Variants in NALF1 observed in about 807,000 individuals in gnomAD.
The protein encoded by NALF1 is family with sequence similarity 155 member A.
In NALF1, 3 loss-of-function variants were observed where a neutral mutation model predicts 48.4. The observed-to-expected ratio is 0.06, with a 90% confidence interval of 0.03 to 0.16. The LOEUF is 0.16. Ranked by LOEUF, NALF1 falls within the 10% of genes least tolerant of loss-of-function variation. NALF1 has a pLI of 1.00. For missense variants in NALF1, 526 were observed against 571.5 expected, an observed-to-expected ratio of 0.92 and a Z score of 0.81; for synonymous variants, 262 against 245.7, an observed-to-expected ratio of 1.07 and a Z score of -0.62.
intron 1 of NALF1, among the ~76,000 whole-genome samples, chr13:107,807,452 T>C (rs780088017): frequency 4.6e-5 from 7 of 152,160 alleles, no homozygotes; most frequent in Non-Finnish European, 1.0e-4. Context: ...TCAATGCTGA[T>C]GAGCATTAGT....
At chr13:107,216,251 A>G (rs1289226843) in intron 1 of NALF1, among the ~76,000 whole-genome samples, 1 of 152,234 alleles carries the variant, frequency 6.6e-6, no homozygotes, top group African/African-American at 2.4e-5. Context: ...AGGCTAATGC[A>G]CTTTGACGCA....
intron 1 of NALF1, among the ~76,000 whole-genome samples, chr13:107,783,618 T>G (rs1217637548): frequency 6.6e-6 from 1 of 152,066 alleles, no homozygotes; most frequent in African/African-American, 2.4e-5. Flanking sequence ...GTTGAATGGA[T>G]TAAGGGCGGT....
intron 2 of NALF1, among the ~76,000 whole-genome samples, chr13:107,183,743 C>T (rs927749318): frequency 6.6e-6 from 1 of 151,974 alleles, no homozygotes; most frequent in Admixed American, 6.6e-5. Flanking sequence ...TAACACAGGA[C>T]CAGAAAACCA....
chr13:107,818,211 G>A (rs373600739), intron 1 of NALF1, among the ~76,000 whole-genome samples: 7 of 152,076 alleles, frequency 4.6e-5, no homozygotes, highest in African/African-American at 9.7e-5. Flanking sequence ...GCTTGCTCCC[G>A]TTCAGTTAGA....
At chr13:107,204,928 C>T (rs1365511108) in intron 2 of NALF1, among the ~76,000 whole-genome samples, 7 of 151,544 alleles carry the variant, frequency 4.6e-5, no homozygotes, top group Admixed American at 3.9e-4. Flanking sequence ...ATTGAAACGG[C>T]ATAAATGTTC....
intron 1 of NALF1, among the ~76,000 whole-genome samples, chr13:107,725,385 G>T (rs1039595605): frequency 1.3e-5 from 2 of 152,106 alleles, no homozygotes; most frequent in Non-Finnish European, 2.9e-5. Flanking sequence ...TTTTATTCTT[G>T]CCAAGATGGA....
chr13:107,513,186 T>C (rs946999647), intron 1 of NALF1, among the ~76,000 whole-genome samples: 9 of 152,194 alleles, frequency 5.9e-5, no homozygotes, highest in African/African-American at 2.2e-4. Flanking sequence ...CTATCTTTGA[T>C]ATTGGGGTCT....
chr13:107,842,085 T>A (rs1880058452), intron 1 of NALF1, among the ~76,000 whole-genome samples: 1 of 152,180 alleles, frequency 6.6e-6, no homozygotes, highest in East Asian at 1.9e-4. Flanking sequence ...TTAGAACATT[T>A]TAGCCAATTT....
chr13:107,170,876 C>CA (rs886966888), intron 2 of NALF1, 90 bp from the exon 3 acceptor site: 5 of 1,169,100 alleles, frequency 4.3e-6, no homozygotes, highest in Admixed American at 2.1e-5. Flanking sequence ...TTCTAACCCA[C>CA]AAAATCTTAC....
At chr13:107,243,228 A>G (rs1880512615) in intron 1 of NALF1, among the ~76,000 whole-genome samples, 1 of 152,098 alleles carries the variant, frequency 6.6e-6, no homozygotes, top group Admixed American at 6.5e-5. Flanking sequence ...CTTTCTTTGA[A>G]CAGGCTGAGC....
chr13:107,273,802 G>A (rs185425844), intron 1 of NALF1, among the ~76,000 whole-genome samples: 187 of 152,236 alleles, frequency 1.2e-3, no homozygotes, highest in Middle Eastern at 6.8e-3. Flanking sequence ...TGAGAGAGAA[G>A]AGGGCACTTC....
At chr13:107,371,340 G>C (rs1029581061) in intron 1 of NALF1, among the ~76,000 whole-genome samples, 1 of 152,110 alleles carries the variant, frequency 6.6e-6, no homozygotes, top group African/African-American at 2.4e-5. Flanking sequence ...CCAGCTACTC[G>C]GGAGACGGAG....
chr13:107,775,390 A>C (rs1400720414), intron 1 of NALF1, among the ~76,000 whole-genome samples: 1 of 149,870 alleles, frequency 6.7e-6, no homozygotes, highest in Non-Finnish European at 1.5e-5. Context: ...TGAACTCATC[A>C]TTTTTTATGG....
intron 1 of NALF1, among the ~76,000 whole-genome samples, chr13:107,670,956 T>A (rs1311565059): frequency 6.6e-6 from 1 of 152,134 alleles, no homozygotes; most frequent in Non-Finnish European, 1.5e-5. Context: ...TTATGGACAA[T>A]ACACCTAGGA....
intron 1 of NALF1, among the ~76,000 whole-genome samples, chr13:107,518,634 C>T (rs1876137967): frequency 6.6e-6 from 1 of 151,932 alleles, no homozygotes. Flanking sequence ...GGGTAAGGGA[C>T]AGTAGATACA....
chr13:107,351,073 A>C (rs1336518600), intron 1 of NALF1, among the ~76,000 whole-genome samples: 2 of 152,230 alleles, frequency 1.3e-5, no homozygotes, highest in Non-Finnish European at 2.9e-5. Context: ...GCTGAAGCAG[A>C]TATCAGTGGC....
intron 1 of NALF1, among the ~76,000 whole-genome samples, chr13:107,403,158 C>A (rs1432243273): frequency 3.4e-5 from 4 of 118,544 alleles, no homozygotes; most frequent in African/African-American, 1.2e-4. Flanking sequence ...CATTTTAGTA[C>A]TCACTTCTGC....
At chr13:107,198,716 C>A (rs912556776) in intron 2 of NALF1, among the ~76,000 whole-genome samples, 8 of 152,228 alleles carry the variant, frequency 5.3e-5, no homozygotes, top group African/African-American at 1.7e-4. Context: ...CAGCTTCTCT[C>A]ATTTCTGGGG....
intron 1 of NALF1, among the ~76,000 whole-genome samples, chr13:107,783,453 G>A (rs901822093): frequency 2.0e-5 from 3 of 152,144 alleles, no homozygotes; most frequent in East Asian, 1.9e-4. Flanking sequence ...TTGAGAAATC[G>A]GATGGTTGCC....
Sources: allele counts gnomAD v4.1 joint callset (sites outside exome capture counted in the v4.1 genomes callset), GRCh38; gene constraint gnomAD v4.1.1; transcripts MANE v1.5; gene names NCBI Gene and HGNC (gene_info 2026-07-23, HGNC 2026-07-21).